The following LTBP1 variants were observed in gnomAD, a reference collection of about 807,000 sequenced individuals.
The protein encoded by LTBP1 is latent-transforming growth factor beta-binding protein 1.
A neutral mutation model predicts 207.6 loss-of-function variants in LTBP1; 129 were observed. The ratio of observed to expected loss-of-function variants is 0.62; its 90% CI spans 0.54 to 0.72. The LOEUF (loss-of-function observed/expected upper bound fraction) is 0.72. Among genes scored for constraint, LTBP1 ranks in the 30% least tolerant of loss-of-function variants. The probability of loss-of-function intolerance (pLI) is 0.00; values close to 1 mark genes in which losing one functional copy is unlikely to be tolerated. For synonymous variants in LTBP1, 963 were observed against 833.7 expected, an observed-to-expected ratio of 1.16 and a Z score of -2.67; for missense variants, 2,281 against 2,217.2, an observed-to-expected ratio of 1.03 and a Z score of -0.58.
intron 7 of LTBP1, among the ~76,000 whole-genome samples, chr2:33,216,273 A>G (rs914193639): frequency 1.3e-5 from 2 of 152,230 alleles, no homozygotes; most frequent in African/African-American, 2.4e-5. Context: ...GGGAGGTTTC[A>G]TAGTGATGGT....
chr2:32,950,508 G>A (rs1394850067), intron 2 of LTBP1, among the ~76,000 whole-genome samples: 2 of 149,742 alleles, frequency 1.3e-5, no homozygotes, highest in South Asian at 2.1e-4. Context: ...GCAGTGAGCC[G>A]AGATCGCTCC....
At chr2:33,085,760 C>T (rs1364839717) in intron 3 of LTBP1, among the ~76,000 whole-genome samples, 1 of 152,196 alleles carries the variant, frequency 6.6e-6, no homozygotes, top group African/African-American at 2.4e-5. Flanking sequence ...ATTCTGTGTT[C>T]TTAGCTATGT....
At chr2:33,074,869 CAAAAAAAAAAAA>C (rs36211816) in intron 3 of LTBP1, among the ~76,000 whole-genome samples, 11,957 of 131,802 alleles carry the variant, frequency 0.091, 618 homozygotes, top group South Asian at 0.19. Context: ...GACTCCATCT[CAAAAAAAAAAAA>C]AAAAAAAAAA....
chr2:33,314,441 C>T (rs1310331285), intron 23 of LTBP1, among the ~76,000 whole-genome samples: 5 of 152,042 alleles, frequency 3.3e-5, no homozygotes, highest in Non-Finnish European at 4.4e-5. Context: ...GCCAGCCACT[C>T]GAGAGGCTGA....
intron 3 of LTBP1, among the ~76,000 whole-genome samples, chr2:33,034,046 G>A (rs967786278): frequency 1.1e-4 from 16 of 151,932 alleles, no homozygotes; most frequent in African/African-American, 3.6e-4. Context: ...ATCATTCACC[G>A]TCCTAATTGG....
At chr2:33,267,054 A>AC (rs1295091886) in intron 15 of LTBP1, among the ~76,000 whole-genome samples, 1 of 152,222 alleles carries the variant, frequency 6.6e-6, no homozygotes, top group East Asian at 1.9e-4. Context: ...TTCGGGCAGC[A>AC]CTGTGTCCGC....
intron 3 of LTBP1, among the ~76,000 whole-genome samples, chr2:33,094,219 C>T (rs924330942): frequency 2.0e-5 from 3 of 152,048 alleles, no homozygotes; most frequent in African/African-American, 4.8e-5. Flanking sequence ...GTTAAATTAG[C>T]CCAATCATGC....
intron 22 of LTBP1, among the ~76,000 whole-genome samples, chr2:33,302,950 T>TAC (rs70938396): frequency 0.044 from 6,360 of 144,834 alleles, 131 homozygotes; most frequent in South Asian, 0.057. Flanking sequence ...CTAATATTTT[T>TAC]ACACACACAC....
chr2:32,965,952 C>T (rs951175356), intron 2 of LTBP1, among the ~76,000 whole-genome samples: 1 of 152,206 alleles, frequency 6.6e-6, no homozygotes, highest in Non-Finnish European at 1.5e-5. Context: ...CCACCAGCAA[C>T]AAATGAGAGT....
At chr2:32,977,323 G>GT (rs994774370) in intron 2 of LTBP1, among the ~76,000 whole-genome samples, 26 of 152,210 alleles carry the variant, frequency 1.7e-4, no homozygotes, top group African/African-American at 6.0e-4. Flanking sequence ...GGAGAGTGGA[G>GT]TCACCTTCCC....
chr2:33,259,359 A>T lies in LTBP1; in HGVS notation c.2396-229A>T, dbSNP rs75691393. On this transcript the variant is annotated intron_variant, in intron 12 of 33. Coordinates refer to ENST00000404816, the MANE Select transcript of LTBP1 (RefSeq NM_206943.4). ...GAAAGAGTTTGAAAGACTTGTTCAC[A>T]TCTTCTCCATGTGCTCCAGTAGTTG... Among the ~76,000 whole-genome samples, 2,233 of 152,308 alleles carry T rather than the reference A, an allele frequency of 0.015. 22 individuals carry two copies. Among genetic ancestry groups the T allele is most frequent in the East Asian group, 0.026 (133 of 5,180 alleles).
chr2:33,284,750 G>A (rs535315360), intron 19 of LTBP1, among the ~76,000 whole-genome samples: 5 of 152,252 alleles, frequency 3.3e-5, no homozygotes, highest in Non-Finnish European at 7.3e-5. Context: ...CTAATGTAGA[G>A]ATCTTAGTTC....
chr2:33,318,563 A>G (rs1403038384), intron 24 of LTBP1, among the ~76,000 whole-genome samples: 1 of 152,190 alleles, frequency 6.6e-6, no homozygotes, highest in Non-Finnish European at 1.5e-5. Flanking sequence ...AACGTGTCAT[A>G]TATAATATAA....
At chr2:33,392,242 C>T (rs181423909) in intron 32 of LTBP1, among the ~76,000 whole-genome samples, 68 of 151,002 alleles carry the variant, frequency 4.5e-4, no homozygotes, top group African/African-American at 1.3e-3. Flanking sequence ...TGGAGTGCAA[C>T]GGTGCAATCT....
intron 3 of LTBP1, among the ~76,000 whole-genome samples, chr2:33,024,881 G>T (rs927127391): frequency 6.6e-6 from 1 of 152,236 alleles, no homozygotes; most frequent in Non-Finnish European, 1.5e-5. Context: ...TCCAGGGGCT[G>T]CAGCCAAGCA....
chr2:33,274,013 G>A (rs11689160), intron 16 of LTBP1, among the ~76,000 whole-genome samples: 3,925 of 152,174 alleles, frequency 0.026, 68 homozygotes, highest in Non-Finnish European at 0.036. Context: ...TTACATAAAG[G>A]TGAAATAATT....
At position 33,397,178 on chromosome 2, in the gene LTBP1, T is replaced by C. The variant is rs2095366242; in HGVS notation, c.4880T>C (p.Ile1627Thr). ...GAGTTACAGGCTGAGGAATGCGGCA[T>C]CCTCAATGGATGTGAAAATGGTCGC... ...FEELQAEECG[I>T]LNGCENGRCV... The change falls in exon 33 of 34, where the codon ATC (isoleucine) becomes ACC (threonine). Residue 1627 changes from isoleucine (I) to threonine (T), a missense_variant. Coordinates refer to ENST00000404816, the MANE Select transcript of LTBP1 (RefSeq NM_206943.4). 2 of 1,614,210 alleles carry C rather than the reference T, an allele frequency of 1.2e-6. No individual in the cohort carries two copies. Among genetic ancestry groups the C allele is most frequent in the South Asian group, 1.1e-5 (1 of 91,090 alleles).
At chr2:33,309,804 C>T (rs963954355) in intron 23 of LTBP1, among the ~76,000 whole-genome samples, 6 of 152,164 alleles carry the variant, frequency 3.9e-5, no homozygotes, top group Non-Finnish European at 7.3e-5. Context: ...GTCACCTGTA[C>T]TTTACTGTTT....
At chr2:33,380,802 G>T (rs2095204859) in intron 31 of LTBP1, among the ~76,000 whole-genome samples, 1 of 152,100 alleles carries the variant, frequency 6.6e-6, no homozygotes, top group Non-Finnish European at 1.5e-5. Context: ...CAATTTAGTG[G>T]CATTTACTAC....
Sources: allele counts gnomAD v4.1 joint callset (sites outside exome capture counted in the v4.1 genomes callset), GRCh38; gene constraint gnomAD v4.1.1; transcripts MANE v1.5; gene names NCBI Gene and HGNC (gene_info 2026-07-23, HGNC 2026-07-21).